Variants in SGCD observed in about 807,000 individuals in gnomAD.
SGCD encodes delta-sarcoglycan.
A neutral mutation model predicts 36.6 loss-of-function variants in SGCD; 18 were observed. The observed-to-expected ratio is 0.49, with a 90% CI of 0.34 to 0.73. The LOEUF is 0.73. Ranked by LOEUF, SGCD falls within the 30% of genes least tolerant of loss-of-function variation. The pLI is 0.01. For synonymous variants in SGCD, 133 were observed against 130.6 expected, an observed-to-expected ratio of 1.02 and a Z score of -0.12; for missense variants, 387 against 346.7, an observed-to-expected ratio of 1.12 and a Z score of -0.92.
intron 6 of SGCD, among the ~76,000 whole-genome samples, chr5:156,602,676 T>G (rs1282147626): frequency 1.3e-5 from 2 of 152,330 alleles, no homozygotes; most frequent in African/African-American, 4.8e-5. Context: ...GTCAAATGCT[T>G]CTTCTGAATG....
intron 3 of SGCD, among the ~76,000 whole-genome samples, chr5:156,434,289 G>A (rs1753149221): frequency 6.6e-6 from 1 of 152,166 alleles, no homozygotes; most frequent in Non-Finnish European, 1.5e-5. Flanking sequence ...TTGGAGTAAG[G>A]CAAAACTAAG....
intron 3 of SGCD, among the ~76,000 whole-genome samples, chr5:156,268,198 G>T (rs1425922060): frequency 6.6e-6 from 1 of 152,142 alleles, no homozygotes; most frequent in Non-Finnish European, 1.5e-5. Flanking sequence ...GTATTCTATG[G>T]TGTATATGTA....
intron 2 of SGCD, among the ~76,000 whole-genome samples, chr5:156,337,450 T>G (rs1310348227): frequency 6.6e-6 from 1 of 152,222 alleles, no homozygotes; most frequent in Non-Finnish European, 1.5e-5. Context: ...GCCCCACCTC[T>G]TTCTACAAAC....
chr5:156,055,636 T>C (rs1760039090), intron 1 of SGCD, among the ~76,000 whole-genome samples: 1 of 146,410 alleles, frequency 6.8e-6, no homozygotes, highest in Non-Finnish European at 1.5e-5. Context: ...GTTTAGACTA[T>C]ATATTTTAAA....
At chr5:155,771,490 A>G in the SGCD span, among the ~76,000 whole-genome samples, 3 of 151,218 alleles carry the variant, frequency 2.0e-5, no homozygotes, top group East Asian at 5.8e-4. Context: ...GTGGCGTGAT[A>G]TCAGCTTACT....
At chr5:156,024,637 G>A (rs992651787) in intron 1 of SGCD, among the ~76,000 whole-genome samples, 1 of 152,040 alleles carries the variant, frequency 6.6e-6, no homozygotes, top group African/African-American at 2.4e-5. Context: ...TTCCTGCAGT[G>A]TTTCCCTGTA....
chr5:156,326,255 C>A (rs1281757391), upstream of SGCD, among the ~76,000 whole-genome samples: 2 of 152,116 alleles, frequency 1.3e-5, no homozygotes, highest in Non-Finnish European at 2.9e-5. Flanking sequence ...AGCATCAAAT[C>A]CAGCAGAATG....
chr5:155,915,006 G>T (rs935111746), intron 1 of SGCD, among the ~76,000 whole-genome samples: 2 of 152,142 alleles, frequency 1.3e-5, no homozygotes, highest in African/African-American at 4.8e-5. Flanking sequence ...TCCCAGGAGG[G>T]TGATAAAATA....
At chr5:155,942,719 A>T (rs984499014) in intron 1 of SGCD, among the ~76,000 whole-genome samples, 2 of 152,178 alleles carry the variant, frequency 1.3e-5, no homozygotes, top group African/African-American at 4.8e-5. Flanking sequence ...CACAGATAGA[A>T]ACTATGATGT....
chr5:155,797,634 T>C, the SGCD span, among the ~76,000 whole-genome samples: 1 of 152,192 alleles, frequency 6.6e-6, no homozygotes, highest in South Asian at 2.1e-4. Context: ...CATTTGGGAT[T>C]CAGAAGACCC....
chr5:156,759,118 G>T (rs1248445608), intron 8 of SGCD, 99 bp from the exon 9 acceptor site: 11 of 921,644 alleles, frequency 1.2e-5, no homozygotes, highest in Non-Finnish European at 1.9e-5. Flanking sequence ...GTGCTCATTA[G>T]ATTTCAGTTG....
At chr5:156,230,961 A>G (rs2127651270) in intron 3 of SGCD, among the ~76,000 whole-genome samples, 1 of 152,282 alleles carries the variant, frequency 6.6e-6, no homozygotes, top group South Asian at 2.1e-4. Context: ...TGCCTAAAGT[A>G]TTTCATCTTC....
At position 156,413,942 on chromosome 5, in the gene SGCD, C is replaced by T. The variant is rs140954409; in HGVS notation, c.192+69265C>T. On this transcript the variant is annotated intron_variant, in intron 3 of 8. Coordinates refer to ENST00000337851, the MANE Select transcript of SGCD (RefSeq NM_000337.6). ...TGAGGTTTTGGAGATGAAAGTCATA[C>T]GAGTTGCTTTCCTTGAAATGGTGGT... Among the ~76,000 whole-genome samples, 28 of 152,182 alleles carry T rather than the reference C, an allele frequency of 1.8e-4. No homozygotes were observed. The East Asian group carries it at 1.9e-3, about 11-fold the overall frequency.
intron 4 of SGCD, among the ~76,000 whole-genome samples, chr5:156,521,264 A>G (rs1581112095): frequency 1.3e-5 from 2 of 152,184 alleles, no homozygotes; most frequent in Non-Finnish European, 2.9e-5. Context: ...AAGAAAATCT[A>G]GGTAATACCA....
At chr5:156,140,560 A>C (rs1261270880) in intron 3 of SGCD, among the ~76,000 whole-genome samples, 3 of 152,216 alleles carry the variant, frequency 2.0e-5, no homozygotes, top group Non-Finnish European at 4.4e-5. Context: ...GCAAAATTTA[A>C]GAGCTATGAA....
At position 156,719,614 on chromosome 5, in the gene SGCD, A is replaced by G. The variant is rs76366131; in HGVS notation, c.576-37967A>G. Among the ~76,000 whole-genome samples the G allele has an allele frequency of 5.3e-5, 8 of 152,202 alleles. No homozygotes were observed. In the East Asian group the frequency reaches 1.4e-3, roughly 26 times the overall value. ...TACTGCAGAGTACATACCTAAATGCATAGTCTGTGGTGGATGGTGTTGCAC... is the reference window on the plus strand; with the variant it reads ...TACTGCAGAGTACATACCTAAATGCGTAGTCTGTGGTGGATGGTGTTGCAC... On this transcript the variant is annotated intron_variant, in intron 7 of 8. Transcript: ENST00000337851.
chr5:156,282,691 G>A (rs1411150643), intron 3 of SGCD, among the ~76,000 whole-genome samples: 2 of 151,968 alleles, frequency 1.3e-5, no homozygotes, highest in East Asian at 1.9e-4. Context: ...TTACTTACGT[G>A]TGGTCTATAT....
chr5:156,329,525 TC>T lies in SGCD; in HGVS notation c.-43-7del. 6.2e-7 allele frequency: 1 copy of T among 1,602,756 alleles called. No individual in the cohort carries two copies. The highest frequency in any genetic ancestry group is 8.5e-7 in the Non-Finnish European group (1 of 1,170,012). ...GACCTTATTTTTAACCCATATTTGTTCCTTGCAGAGACATTACTGCCGGGAG... is the reference window on the plus strand; with the variant it reads ...GACCTTATTTTTAACCCATATTTGTTCTTGCAGAGACATTACTGCCGGGAG... On this transcript the variant is annotated splice_region_variant and splice_polypyrimidine_tract_variant and intron_variant, in intron 1 of 8. Coordinates refer to ENST00000337851, the MANE Select transcript of SGCD (RefSeq NM_000337.6).
rs1313125238 is a variant in SGCD at position 156,549,241 on chromosome 5, G to C, written c.295-39990G>C. On this transcript the variant is annotated intron_variant, in intron 4 of 8. Coordinates refer to ENST00000337851, the MANE Select transcript of SGCD (RefSeq NM_000337.6). ...AGATTGGTACTGAGGGAAAACATCT[G>C]TTCCATGGGATTTTTCCGTAAAATA... is the stretch of plus-strand genomic sequence containing the variant. 4.6e-5 allele frequency among the ~76,000 whole-genome samples: 7 copies of C among 152,114 alleles called. 1 individual carries two copies. Among genetic ancestry groups the C allele is most frequent in the Admixed American group, 4.6e-4 (7 of 15,278 alleles).
Sources: gnomAD v4.1 joint callset for allele counts (sites outside exome capture counted in the v4.1 genomes callset) on GRCh38, gnomAD v4.1.1 for gene constraint, MANE v1.5 for transcripts, NCBI Gene and HGNC (gene_info 2026-07-23, HGNC 2026-07-21) for gene names.